ANO1: variants seen among roughly 807,000 people sequenced by gnomAD.
ANO1 encodes the protein anoctamin-1.
In ANO1, 59 loss-of-function variants were observed where a neutral mutation model predicts 124.0. That is an observed-to-expected ratio of 0.48 (90% CI 0.39 to 0.59). ANO1 has a LOEUF of 0.59. Ranked by LOEUF, ANO1 falls within the 20% of genes least tolerant of loss-of-function variation. The pLI, the probability that ANO1 is intolerant of heterozygous loss-of-function variation, is 0.00. For missense variants in ANO1, 1,059 were observed against 1,328.0 expected, an observed-to-expected ratio of 0.80 and a Z score of 3.15; for synonymous variants, 529 against 532.0, an observed-to-expected ratio of 0.99 and a Z score of 0.08.
chr11:70,167,405 C>G lies in ANO1; in HGVS notation c.2197+18C>G. 6.2e-7 allele frequency: 1 copy of G among 1,603,232 alleles called. No homozygotes were observed. Among genetic ancestry groups the G allele is most frequent in the Non-Finnish European group, 8.5e-7 (1 of 1,174,746 alleles). ...GGAAATGAGTGAGTGATGGCCGGGG[C>G]AGGCAGGTGACATCAGGATAGAAAC... On this transcript the variant is annotated intron_variant, in intron 21 of 25. Transcript: ENST00000355303.
chr11:70,095,651 G>T (rs887808337), intron 2 of ANO1, among the ~76,000 whole-genome samples: 1 of 152,182 alleles, frequency 6.6e-6, no homozygotes, highest in African/African-American at 2.4e-5. Context: ...CAAGCTGGTT[G>T]TTACCCGTTG....
intron 11 of ANO1, among the ~76,000 whole-genome samples, chr11:70,136,445 CCCTCG>C (rs2046958206): frequency 6.7e-6 from 1 of 148,866 alleles, no homozygotes; most frequent in Non-Finnish European, 1.5e-5. Flanking sequence ...ACCAGCACCT[CCCTCG>C]CCTCACCCTG....
intron 1 of ANO1, among the ~76,000 whole-genome samples, chr11:69,993,160 G>A (rs932339503): frequency 1.1e-4 from 16 of 152,162 alleles, no homozygotes; most frequent in Admixed American, 9.2e-4. Flanking sequence ...CTGAGACAGC[G>A]CCCTGTCTTC....
chr11:70,108,334 C>A lies in ANO1; in HGVS notation c.748-19C>A, dbSNP rs114536292. ...GTGCCTTAAGTAACTGCTCACCCCC[C>A]TTCTTGTCTCTGCAATAGGTCTATG... On this transcript the variant is annotated intron_variant, in intron 5 of 25. Transcript: ENST00000355303. 3.7e-6 allele frequency: 6 copies of A among 1,605,938 alleles called. No homozygotes were observed. The South Asian group carries it at 4.4e-5, about 12-fold the overall frequency.
At chr11:69,966,794 G>A in the ANO1 span, among the ~76,000 whole-genome samples, 1 of 152,208 alleles carries the variant, frequency 6.6e-6, no homozygotes, top group Non-Finnish European at 1.5e-5. Context: ...CTTCTAAGCA[G>A]TGTCCCACCC....
At chr11:69,995,456 C>T (rs190936524) in intron 1 of ANO1, among the ~76,000 whole-genome samples, 2 of 152,264 alleles carry the variant, frequency 1.3e-5, no homozygotes, top group East Asian at 3.9e-4. Flanking sequence ...TTTTATCTAA[C>T]ATCTGTTTCT....
intron 1 of ANO1, among the ~76,000 whole-genome samples, chr11:69,993,320 C>T (rs1364704023): frequency 6.6e-6 from 1 of 152,212 alleles, no homozygotes; most frequent in Admixed American, 6.5e-5. Context: ...ATTTACATGG[C>T]ACTTCAACAC....
At chr11:70,103,967 C>G in intron 3 of ANO1, 32 bp from the exon 4 acceptor site, 1 of 1,602,336 alleles carries the variant, frequency 6.2e-7, no homozygotes, top group Non-Finnish European at 8.5e-7. Flanking sequence ...AGCAGGGTGA[C>G]GCAGCTCCCC....
At chr11:70,160,698 C>T (rs910308615) in intron 16 of ANO1, among the ~76,000 whole-genome samples, 1 of 152,182 alleles carries the variant, frequency 6.6e-6, no homozygotes, top group Non-Finnish European at 1.5e-5. Flanking sequence ...TGAGGATGTC[C>T]CTGAGCTCAC....
At chr11:69,998,340 C>T (rs1856314409) in intron 1 of ANO1, among the ~76,000 whole-genome samples, 1 of 152,178 alleles carries the variant, frequency 6.6e-6, no homozygotes, top group African/African-American at 2.4e-5. Context: ...CCCCATTGCC[C>T]CATGGCATAA....
intron 23 of ANO1, among the ~76,000 whole-genome samples, chr11:70,182,143 G>A (rs1319303254): frequency 1.3e-5 from 2 of 152,170 alleles, no homozygotes; most frequent in Non-Finnish European, 2.9e-5. Context: ...CATACATGGT[G>A]TGGGTGTTGT....
In ANO1 at chr11:70,152,334, C is replaced by CAAA. The variant is rs56895585; in HGVS notation, c.1342-95_1342-93dup. ...TGCTCAATAGAGCAAGACTCCATCT[C>CAAA]AAAAAAAAAAAAAAAAAAAAAAAGT... On this transcript the variant is annotated intron_variant, in intron 12 of 25. Coordinates refer to ENST00000355303, the MANE Select transcript of ANO1 (RefSeq NM_018043.7). The CAAA allele has an allele frequency of 7.6e-3, 3,296 of 435,338 alleles. 6 individuals are homozygous for CAAA. Among genetic ancestry groups the CAAA allele is most frequent in the Middle Eastern group, 0.014 (20 of 1,406 alleles). The allele number at this position is 435,338 out of a possible 1,614,324, so 27.0% of individuals were successfully genotyped here.
chr11:70,078,998 GC>G (rs2044121449), intron 1 of ANO1, among the ~76,000 whole-genome samples: 1 of 152,078 alleles, frequency 6.6e-6, no homozygotes, highest in Admixed American at 6.5e-5. Flanking sequence ...GAGCTCTGCG[GC>G]CCCGAAGCCG....
intron 1 of ANO1, among the ~76,000 whole-genome samples, chr11:70,058,171 A>C (rs1857484657): frequency 6.6e-6 from 1 of 152,332 alleles, no homozygotes; most frequent in East Asian, 1.9e-4. Context: ...AGGTACAAAT[A>C]AGAGAAGGAG....
chr11:70,140,119 C>A (rs1439617706), intron 11 of ANO1, among the ~76,000 whole-genome samples: 6 of 152,210 alleles, frequency 3.9e-5, no homozygotes, highest in African/African-American at 1.4e-4. Context: ...GTTGAAGACG[C>A]TAAAGTGTTC....
intron 1 of ANO1, among the ~76,000 whole-genome samples, chr11:70,001,881 C>T (rs1856388383): frequency 6.6e-6 from 1 of 152,130 alleles, no homozygotes; most frequent in African/African-American, 2.4e-5. Flanking sequence ...CTCGCTGCAA[C>T]CTCTGCTTCT....
intron 11 of ANO1, among the ~76,000 whole-genome samples, 195 bp downstream of exon 11, chr11:70,132,274 C>T (rs1045262345): frequency 2.2e-4 from 34 of 152,154 alleles, no homozygotes; most frequent in African/African-American, 8.0e-4. Context: ...AGGAGAGACA[C>T]GGGTTCTCCT....
intron 1 of ANO1, among the ~76,000 whole-genome samples, chr11:70,029,369 C>T (rs1555003556): frequency 2.6e-5 from 4 of 152,216 alleles, no homozygotes; most frequent in Non-Finnish European, 5.9e-5. Context: ...CTGACTCATT[C>T]ACAGCCCTCA....
chr11:69,967,266 T>C, the ANO1 span, among the ~76,000 whole-genome samples: 1 of 151,080 alleles, frequency 6.6e-6, no homozygotes, highest in Non-Finnish European at 1.5e-5. Context: ...AGCGCCTGTA[T>C]TGCACGTTAG....
Sources: allele counts gnomAD v4.1 joint callset (sites outside exome capture counted in the v4.1 genomes callset), GRCh38; gene constraint gnomAD v4.1.1; transcripts MANE v1.5; gene names NCBI Gene and HGNC (gene_info 2026-07-23, HGNC 2026-07-21).